The following LBHD1 variants were observed in gnomAD, a reference collection of about 807,000 sequenced individuals.
LBHD1 encodes LBH domain containing 1.
In LBHD1, 28 loss-of-function variants were observed where a neutral mutation model predicts 31.1. The ratio of observed to expected loss-of-function variants is 0.90; its 90% CI spans 0.67 to 1.24. LBHD1 has a LOEUF of 1.24. Among genes scored for constraint, LBHD1 ranks in the 50% most tolerant of loss-of-function variants. LBHD1 has a pLI of 0.00. For missense variants in LBHD1, 350 were observed against 323.0 expected (o/e 1.08, Z -0.64); for synonymous variants, 105 against 116.5 (o/e 0.90, Z 0.63).
chr11:62,667,633 G>A lies in LBHD1; in HGVS notation c.428C>T (p.Ala143Val), dbSNP rs769372431. 4 of 1,614,098 alleles carry A rather than the reference G, an allele frequency of 2.5e-6. No homozygotes were observed. Among genetic ancestry groups the A allele is most frequent in the South Asian group, 1.1e-5 (1 of 91,078 alleles). ...EDACWILEDT[A>V]CLEATNHCPF... ...ACAGTGGTTGGTGGCTTCCAGACATGCTGTGTCCTCAAGAATCCAACAAGC... is the reference window on the plus strand; with the variant it reads ...ACAGTGGTTGGTGGCTTCCAGACATACTGTGTCCTCAAGAATCCAACAAGC... Residue 143 changes from alanine (A) to valine (V), a missense_variant, in exon 4 of 7, where the codon GCA becomes GTA. Physicochemically the swap from Ala to Val is moderately conservative, Grantham distance 64. Transcript: ENST00000354588.
intron 4 of LBHD1, chr11:62,667,116 T>A: frequency 6.8e-7 from 1 of 1,477,176 alleles, no homozygotes; most frequent in South Asian, 1.4e-5. Flanking sequence ...GAACTGTCTT[T>A]GCAAGCTATC....
Position 62,664,751 on chromosome 11 carries a change from G to A in LBHD1, c.663+98C>T, listed in dbSNP as rs1944748027. The A allele has an allele frequency of 8.3e-6, 12 of 1,443,188 alleles. No homozygotes were observed. In the South Asian group the frequency reaches 1.3e-4, roughly 15 times the overall value. The allele number at this position is 1,443,188 out of a possible 1,614,324, so 89.4% of individuals were successfully genotyped here. Reference sequence around the variant, plus strand: ...AGACATTCCCCGCATAAGCGTCAGTGCACAAGGTGAGCTGAGAGGTGAAGC... The same window carrying A: ...AGACATTCCCCGCATAAGCGTCAGTACACAAGGTGAGCTGAGAGGTGAAGC... On this transcript the variant is annotated intron_variant, in intron 5 of 6. Transcript: ENST00000354588.
chr11:62,666,083 C>G lies in LBHD1; in HGVS notation c.539-1110G>C, dbSNP rs1406340898. On this transcript the variant is annotated intron_variant, in intron 4 of 6. Coordinates refer to ENST00000354588, the MANE Select transcript of LBHD1 (RefSeq NM_024099.5). ...CTACGGTGGGCCGTGCGTGGTGGCTCACGGCTGTAATGCTAACACTTTGCC... is the reference window on the plus strand; with the variant it reads ...CTACGGTGGGCCGTGCGTGGTGGCTGACGGCTGTAATGCTAACACTTTGCC... The G allele has an allele frequency of 2.1e-5, 22 of 1,050,476 alleles. No homozygotes were observed. In the South Asian group the frequency reaches 3.3e-4, roughly 16 times the overall value. The allele number at this position is 1,050,476 out of a possible 1,614,324, so 65.1% of individuals were successfully genotyped here.
chr11:62,665,887 C>T (rs1335376097), intron 4 of LBHD1: 2 of 1,613,380 alleles, frequency 1.2e-6, no homozygotes, highest in South Asian at 2.2e-5. Context: ...CAGATGGCCG[C>T]GCTGCGTCGA....
In LBHD1 at chr11:62,667,149, G is replaced by C. The variant is rs878911903; in HGVS notation, c.538+374C>G. On this transcript the variant is annotated intron_variant, in intron 4 of 6. Coordinates refer to ENST00000354588, the MANE Select transcript of LBHD1 (RefSeq NM_024099.5). ...ATCTGGCTGCAAAGTGAGAATTTGA[G>C]TCCTGGCTTCCACATTTACTAGCTG... is the stretch of plus-strand genomic sequence containing the variant. 8.4e-5 allele frequency: 108 copies of C among 1,289,168 alleles called. 3 individuals carry two copies. The South Asian group carries it at 1.5e-3, about 18-fold the overall frequency. 79.9% of individuals were successfully genotyped at this position (1,289,168 alleles called of 1,614,324 possible). A position where few individuals can be genotyped will look rare whatever the true frequency, so the allele number is the denominator to read the frequency against.
intron 4 of LBHD1, chr11:62,667,194 T>C: frequency 1.2e-6 from 1 of 847,162 alleles, no homozygotes; most frequent in Non-Finnish European, 1.8e-6. Flanking sequence ...TTGCTGAATG[T>C]TTCTGTTCCC....
chr11:62,665,539 C>T (rs1157211494), intron 4 of LBHD1: 12 of 1,569,362 alleles, frequency 7.6e-6, no homozygotes, highest in Middle Eastern at 1.7e-4. Flanking sequence ...GCTTCCCATC[C>T]GCTGGTTCTA....
rs149450298 is a variant in LBHD1, at chr11:62,667,535, T to C, written c.526A>G (p.Asn176Asp). ...GAACAATACTTACCCTCAAAGCTAT[T>C]AGGAGGCAGGAGATGGGAATATTCC... ...FVEYSHLLPP[N>D]SFEGAEEEAV... The change falls in exon 4 of 7, where the codon AAT becomes GAT. Residue 176 changes from asparagine to aspartate, a missense_variant. Physicochemically the swap from Asn to Asp is conservative, Grantham distance 23. Coordinates refer to ENST00000354588, the MANE Select transcript of LBHD1 (RefSeq NM_024099.5). 6 of 1,613,994 alleles carry C rather than the reference T, an allele frequency of 3.7e-6. No homozygotes were observed. In the Admixed American group the frequency reaches 1.0e-4, roughly 27 times the overall value.
Position 62,671,970 on chromosome 11 carries a change from C to G in LBHD1, c.-417G>C. On this transcript the variant is annotated 5_prime_UTR_variant, in exon 1 of 7. Coordinates refer to ENST00000354588, the MANE Select transcript of LBHD1 (RefSeq NM_024099.5). ...GCCCTCAGGAGATGCCACTGCAGGACCCAAGGAGCAGGGAGGAGGCGGCCA... is the reference window on the plus strand; with the variant it reads ...GCCCTCAGGAGATGCCACTGCAGGAGCCAAGGAGCAGGGAGGAGGCGGCCA... 1 of 1,613,978 alleles carries G rather than the reference C, an allele frequency of 6.2e-7. No individual in the cohort carries two copies. Among genetic ancestry groups the G allele is most frequent in the Non-Finnish European group, 8.5e-7 (1 of 1,180,000 alleles).
intron 1 of LBHD1, chr11:62,671,083 G>A (rs1023654218): frequency 1.7e-5 from 6 of 345,798 alleles, no homozygotes; most frequent in African/African-American, 1.3e-4. Context: ...CTGGGCGACA[G>A]AGCGAGACCT....
chr11:62,664,968 C>T lies in LBHD1; in HGVS notation c.544G>A (p.Glu182Lys). The part of the protein sequence containing the change: ...LLPPNSFEGA[E>K]EEAVQTPAGV... ...GCCGGCGTTTGAACAGCTTCTTCTTCAGCTCCTGCCGGGGAGAAAGATGCG... is the reference window on the plus strand; with the variant it reads ...GCCGGCGTTTGAACAGCTTCTTCTTTAGCTCCTGCCGGGGAGAAAGATGCG... Residue 182 changes from glutamate to lysine, a missense_variant, in exon 5 of 7, where the codon GAA becomes AAA. By Grantham distance (56) the Glu-to-Lys change is moderately conservative. Coordinates refer to ENST00000354588, the MANE Select transcript of LBHD1 (RefSeq NM_024099.5). 1 of 1,611,490 alleles carries T rather than the reference C, an allele frequency of 6.2e-7. No individual in the cohort carries two copies. The highest frequency in any genetic ancestry group is 8.5e-7 in the Non-Finnish European group (1 of 1,179,706).
At position 62,672,114 on chromosome 11, in the gene LBHD1, A is replaced by AG; in HGVS notation, c.-562dup. 1 of 1,572,062 alleles carries AG rather than the reference A, an allele frequency of 6.4e-7. No homozygotes were observed. The highest frequency in any genetic ancestry group is 2.3e-5 in the East Asian group (1 of 43,024). ...GCGGCGCCGGCGGGAGGTCACCGTG[A>AG]GACCGGACTTGCCTCCGTGGGCGCC... On this transcript the variant is annotated 5_prime_UTR_variant, in exon 1 of 7. It removes the in-frame stop codon of an upstream open reading frame in the 5' UTR. Coordinates refer to ENST00000354588, the MANE Select transcript of LBHD1 (RefSeq NM_024099.5).
intron 4 of LBHD1, chr11:62,665,889 C>A (rs570771969): frequency 6.2e-7 from 1 of 1,613,504 alleles, no homozygotes; most frequent in African/African-American, 1.3e-5. Flanking sequence ...GATGGCCGCG[C>A]TGCGTCGAAT....
At chr11:62,663,364 G>C (rs747837951) in intron 5 of LBHD1, 31 bp from the exon 6 acceptor site, 9 of 1,603,848 alleles carry the variant, frequency 5.6e-6, no homozygotes, top group South Asian at 1.1e-5. Context: ...AAGAGAGCTA[G>C]GTTAACCTGA....
intron 4 of LBHD1, chr11:62,666,011 T>C: frequency 6.5e-7 from 1 of 1,530,356 alleles, no homozygotes; most frequent in African/African-American, 1.4e-5. Flanking sequence ...TAAGGTGGGT[T>C]CCTCGTGAGT....
Position 62,671,886 on chromosome 11 carries a change from C to G in LBHD1, c.-333G>C, listed in dbSNP as rs764853577. On this transcript the variant is annotated 5_prime_UTR_variant, in exon 1 of 7. Coordinates refer to ENST00000354588, the MANE Select transcript of LBHD1 (RefSeq NM_024099.5). ...TAAAGGTAGAAGCAACTGGTAGTCCCGAGGAAGGGTGGGCGGGTGGAGAGC... is the reference window on the plus strand; with the variant it reads ...TAAAGGTAGAAGCAACTGGTAGTCCGGAGGAAGGGTGGGCGGGTGGAGAGC... The G allele has an allele frequency of 1.2e-6, 2 of 1,613,704 alleles. No homozygotes were observed. Among genetic ancestry groups the G allele is most frequent in the South Asian group, 2.2e-5 (2 of 91,080 alleles).
chr11:62,666,931 C>A (rs1193655409), intron 4 of LBHD1: 1 of 1,614,110 alleles, frequency 6.2e-7, no homozygotes, highest in East Asian at 2.2e-5. Context: ...CAGATGAGGA[C>A]CCTGATGTGC....
chr11:62,665,817 C>A, intron 4 of LBHD1: 1 of 1,586,278 alleles, frequency 6.3e-7, no homozygotes. Flanking sequence ...TCAGGCCTCT[C>A]CGGCTGGAGT....
In LBHD1 at chr11:62,671,592, C is replaced by G. The variant is rs1286749077; in HGVS notation, c.-39G>C. The G allele has an allele frequency of 2.7e-6, 4 of 1,475,216 alleles. No individual in the cohort carries two copies. The highest frequency in any genetic ancestry group is 3.6e-6 in the Non-Finnish European group (4 of 1,120,862). The allele number at this position is 1,475,216 out of a possible 1,614,324, so 91.4% of individuals were successfully genotyped here. Reference sequence around the variant, plus strand: ...AGATCCAAGCGCTCCGGATTCCAAACGTTTCCTCGAGCAGGTCCTCTCTAG... The same window carrying G: ...AGATCCAAGCGCTCCGGATTCCAAAGGTTTCCTCGAGCAGGTCCTCTCTAG... On this transcript the variant is annotated 5_prime_UTR_variant, in exon 1 of 7. Transcript: ENST00000354588.
Sources: gnomAD v4.1 joint callset for allele counts on GRCh38, gnomAD v4.1.1 for gene constraint, MANE v1.5 for transcripts, NCBI Gene and HGNC (gene_info 2026-07-23, HGNC 2026-07-21) for gene names.